Variants in CLDN8 observed in about 807,000 individuals in gnomAD.
The protein encoded by CLDN8 is claudin-8.
Under a neutral mutation model 2.2 loss-of-function variants are expected in CLDN8, and 2 were observed. That is an observed-to-expected ratio of 0.90 (90% CI 0.37 to 2.82). The LOEUF (loss-of-function observed/expected upper bound fraction) is 2.82. CLDN8 is among the 30% of genes most tolerant of loss of function. The pLI is 0.10. For synonymous variants in CLDN8, 107 were observed against 104.8 expected (o/e 1.02, Z -0.13); for missense variants, 314 against 280.5 (o/e 1.12, Z -0.85).
rs1978908721 is a variant in CLDN8 at position 30,215,137 on chromosome 21, T to C, written c.*111A>G. 1.2e-6 allele frequency: 1 copy of C among 822,116 alleles called. No individual in the cohort carries two copies. Among genetic ancestry groups the C allele is most frequent in the African/African-American group, 1.7e-5 (1 of 57,936 alleles). 50.9% of individuals were successfully genotyped at this position (822,116 alleles called of 1,614,324 possible). On this transcript the variant is annotated 3_prime_UTR_variant, in exon 1 of 1. Coordinates refer to ENST00000399899, the MANE Select transcript of CLDN8 (RefSeq NM_199328.3). ...GATGCACAGTTCCTGTAATTAAGAT[T>C]AGGCAGTTAAGAACAGTAAATCAAA...
In CLDN8 at chr21:30,215,684, C is replaced by T; in HGVS notation, c.242G>A (p.Arg81Lys). The T allele has an allele frequency of 6.2e-7, 1 of 1,614,176 alleles. No homozygotes were observed. Among genetic ancestry groups the T allele is most frequent in the Admixed American group, 1.7e-5 (1 of 60,028 alleles). The change falls in exon 1 of 1, where the codon AGA becomes AAA. Residue 81 changes from arginine (R) to lysine (K), a missense_variant. By Grantham distance (26) the Arg-to-Lys change is conservative. Transcript: ENST00000399899. Reference sequence around the variant, plus strand: ...CACGGAAGCAGCACACATCAGTCCTCTGGCTGCCTGTAGGTCCGGAGAAAG... The same window carrying T: ...CACGGAAGCAGCACACATCAGTCCTTTGGCTGCCTGTAGGTCCGGAGAAAG... The part of the protein sequence containing the change: ...LALSPDLQAA[R>K]GLMCAASVMS...
rs1978962824 is a variant in CLDN8 at position 30,215,808 on chromosome 21, T to C, written c.118A>G (p.Ile40Val). ...TCCCAGAAGTTTTCAAAAACCACGATGTTGTTTTCAATGAAGGCCGACACT... is the reference window on the plus strand; with the variant it reads ...TCCCAGAAGTTTTCAAAAACCACGACGTTGTTTTCAATGAAGGCCGACACT... The part of the protein sequence containing the change: ...WRVSAFIENN[I>V]VVFENFWEGL... The change falls in exon 1 of 1, where the codon ATC becomes GTC. Residue 40 changes from isoleucine (I) to valine (V), a missense_variant. Physicochemically the swap from Ile to Val is conservative, Grantham distance 29. Transcript: ENST00000399899. 1.2e-6 allele frequency: 2 copies of C among 1,613,770 alleles called. No homozygotes were observed. Among genetic ancestry groups the C allele is most frequent in the Admixed American group, 1.7e-5 (1 of 59,988 alleles).
rs531956336 is a variant in CLDN8 at position 30,215,832 on chromosome 21, C to G, written c.94G>C (p.Val32Leu). Residue 32 changes from valine (V) to leucine (L), a missense_variant, in exon 1 of 1, where the codon GTG (valine) becomes CTG (leucine). Coordinates refer to ENST00000399899, the MANE Select transcript of CLDN8 (RefSeq NM_199328.3). ...VAVTVMPQWR[V>L]SAFIENNIVV... The stretch of plus-strand genomic sequence containing the variant: ...ATGTTGTTTTCAATGAAGGCCGACA[C>G]TCTCCACTGAGGCATGACAGTGACA... The G allele has an allele frequency of 2.5e-6, 4 of 1,614,092 alleles. No individual in the cohort carries two copies. The South Asian group carries it at 4.4e-5, about 18-fold the overall frequency.
Position 30,215,974 on chromosome 21 carries a change from C to G in CLDN8, c.-49G>C, listed in dbSNP as rs756496110. The G allele has an allele frequency of 4.7e-6, 7 of 1,497,084 alleles. No homozygotes were observed. Among genetic ancestry groups the G allele is most frequent in the Middle Eastern group, 1.8e-4 (1 of 5,614 alleles). 92.7% of individuals were successfully genotyped at this position (1,497,084 alleles called of 1,614,324 possible). A position where few individuals can be genotyped will look rare whatever the true frequency, so the allele number is the denominator to read the frequency against. ...CAGCTGGACTCCGGAACTGCTACTTCTGCTTTGAAGCAGGGTTCTCTGTGC... is the reference window on the plus strand; with the variant it reads ...CAGCTGGACTCCGGAACTGCTACTTGTGCTTTGAAGCAGGGTTCTCTGTGC... On this transcript the variant is annotated 5_prime_UTR_variant, in exon 1 of 1. Coordinates refer to ENST00000399899, the MANE Select transcript of CLDN8 (RefSeq NM_199328.3).
rs778908212 is a variant in CLDN8, at chr21:30,215,901, C to G, written c.25G>C (p.Ala9Pro). Residue 9 changes from alanine to proline, a missense_variant, in exon 1 of 1, where the codon GCT becomes CCT. Transcript: ENST00000399899. MATHALEI[A>P]GLFLGGVGMV... ...CCAACACCACCAAGAAACAGCCCAG[C>G]GATTTCTAAGGCATGGGTTGCCATT... The G allele has an allele frequency of 3.7e-6, 6 of 1,608,494 alleles. No individual in the cohort carries two copies. In the African/African-American group the frequency reaches 5.4e-5, roughly 14 times the overall value.
Position 30,215,190 on chromosome 21 carries a change from T to C in CLDN8, c.*58A>G. 1 of 1,446,540 alleles carries C rather than the reference T, an allele frequency of 6.9e-7. No homozygotes were observed. Among genetic ancestry groups the C allele is most frequent in the South Asian group, 1.2e-5 (1 of 81,980 alleles). The allele number at this position is 1,446,540 out of a possible 1,614,324, so 89.6% of individuals were successfully genotyped here. On this transcript the variant is annotated 3_prime_UTR_variant, in exon 1 of 1. Coordinates refer to ENST00000399899, the MANE Select transcript of CLDN8 (RefSeq NM_199328.3). Reference sequence around the variant, plus strand: ...TTCTTTGGGGTCCATTTTGAGAAAGTAATATAGATTTTTGTCATTTGCATG... The same window carrying C: ...TTCTTTGGGGTCCATTTTGAGAAAGCAATATAGATTTTTGTCATTTGCATG...
chr21:30,215,250 A>T lies in CLDN8; in HGVS notation c.676T>A (p.Ter226LysextTer6). The T allele has an allele frequency of 1.9e-6, 3 of 1,613,594 alleles. No homozygotes were observed. The highest frequency in any genetic ancestry group is 2.5e-6 in the Non-Finnish European group (3 of 1,179,524). The change falls in exon 1 of 1, where the codon TAG becomes AAG. Residue 226 changes from the stop codon to lysine, a stop_lost. Transcript: ENST00000399899. ...TAAAGTTAAAAAAACATACACAACT[A>T]CACATACTGACTTCTGGAGTAGACG... is the stretch of plus-strand genomic sequence containing the variant. ...PSVYSRSQYV[*>K]
Position 30,215,060 on chromosome 21 carries a change from T to G in CLDN8, c.*188A>C. The G allele has an allele frequency of 3.5e-6, 2 of 572,902 alleles. No individual in the cohort carries two copies. The highest frequency in any genetic ancestry group is 3.1e-6 in the Non-Finnish European group (1 of 325,340). The allele number at this position is 572,902 out of a possible 1,614,324, so 35.5% of individuals were successfully genotyped here. ...TATACTTTCTAGAACAATCAAAGCA[T>G]TGGGTTTAATATCTCATTCTGCTGA... is the stretch of plus-strand genomic sequence containing the variant. On this transcript the variant is annotated 3_prime_UTR_variant, in exon 1 of 1. Transcript: ENST00000399899.
Position 30,215,595 on chromosome 21 carries a change from T to G in CLDN8, c.331A>C (p.Asn111His), listed in dbSNP as rs1339229115. 9.3e-6 allele frequency: 15 copies of G among 1,614,090 alleles called. No homozygotes were observed. The South Asian group carries it at 1.6e-4, about 18-fold the overall frequency. The change falls in exon 1 of 1, where the codon AAT becomes CAT. Residue 111 changes from asparagine to histidine, a missense_variant. By Grantham distance (68) the Asn-to-His change is moderately conservative. Transcript: ENST00000399899. ...AGAATGTGAGCCTTCACCTTCTCAT[T>G]GTCCCCCGTGCACCTGGTGCATTTC... ...GMKCTRCTGD[N>H]EKVKAHILLT...
rs538422021 is a variant in CLDN8, at chr21:30,215,306, T to G, written c.620A>C (p.Lys207Thr). 6.2e-7 allele frequency: 1 copy of G among 1,614,190 alleles called. No individual in the cohort carries two copies. Among genetic ancestry groups the G allele is most frequent in the Admixed American group, 1.7e-5 (1 of 60,030 alleles). The change falls in exon 1 of 1, where the codon AAA becomes ACA. Residue 207 changes from lysine to threonine, a missense_variant. Transcript: ENST00000399899. ...TGACTTCTTTCCGGTGTGATAACTT[T>G]TTTGGGTTGTGCGATGGGAAGGTAT... is the stretch of plus-strand genomic sequence containing the variant. ...YSIPSHRTTQ[K>T]SYHTGKKSPS...
chr21:30,215,599 C>G lies in CLDN8; in HGVS notation c.327G>C (p.Gly109=), dbSNP rs1433691791. The G allele has an allele frequency of 6.2e-7, 1 of 1,613,986 alleles. No individual in the cohort carries two copies. Among genetic ancestry groups the G allele is most frequent in the South Asian group, 1.1e-5 (1 of 91,064 alleles). Reference sequence around the variant, plus strand: ...TGTGAGCCTTCACCTTCTCATTGTCCCCCGTGCACCTGGTGCATTTCATGC... The same window carrying G: ...TGTGAGCCTTCACCTTCTCATTGTCGCCCGTGCACCTGGTGCATTTCATGC... ...ILGMKCTRCT[G]DNEKVKAHIL... is the part of the protein sequence containing the mutation. The change falls in exon 1 of 1, where the codon GGG becomes GGC. Residue 109 remains glycine, a synonymous_variant. Coordinates refer to ENST00000399899, the MANE Select transcript of CLDN8 (RefSeq NM_199328.3).
Position 30,215,263 on chromosome 21 carries a change from T to A in CLDN8, c.663A>T (p.Arg221Ser). Residue 221 changes from arginine to serine, a missense_variant, in exon 1 of 1, where the codon AGA becomes AGT. Coordinates refer to ENST00000399899, the MANE Select transcript of CLDN8 (RefSeq NM_199328.3). ...ACATACACAACTACACATACTGACTTCTGGAGTAGACGCTCGGTGACTTCT... is the reference window on the plus strand; with the variant it reads ...ACATACACAACTACACATACTGACTACTGGAGTAGACGCTCGGTGACTTCT... ...TGKKSPSVYS[R>S]SQYV The A allele has an allele frequency of 6.2e-7, 1 of 1,614,114 alleles. No individual in the cohort carries two copies. The highest frequency in any genetic ancestry group is 8.5e-7 in the Non-Finnish European group (1 of 1,179,974).
In CLDN8 at chr21:30,215,613, T is replaced by A; in HGVS notation, c.313A>T (p.Thr105Ser). 1.2e-6 allele frequency: 2 copies of A among 1,614,068 alleles called. No homozygotes were observed. The highest frequency in any genetic ancestry group is 1.7e-6 in the Non-Finnish European group (2 of 1,180,006). ...FMMAILGMKC[T>S]RCTGDNEKVK... ...TTCTCATTGTCCCCCGTGCACCTGG[T>A]GCATTTCATGCCAAGGATGGCCATC... is the stretch of plus-strand genomic sequence containing the variant. The change falls in exon 1 of 1, where the codon ACC (threonine) becomes TCC (serine). Residue 105 changes from threonine to serine, a missense_variant. Physicochemically the swap from Thr to Ser is moderately conservative, Grantham distance 58 (BLOSUM62 1). Transcript: ENST00000399899.
Position 30,215,084 on chromosome 21 carries a change from G to T in CLDN8, c.*164C>A. 1 of 605,654 alleles carries T rather than the reference G, an allele frequency of 1.7e-6. No homozygotes were observed. 37.5% of individuals were successfully genotyped at this position (605,654 alleles called of 1,614,324 possible). Reference sequence around the variant, plus strand: ...ATTGGGTTTAATATCTCATTCTGCTGAAATAGCTTATAGAATCATAAATAG... The same window carrying T: ...ATTGGGTTTAATATCTCATTCTGCTTAAATAGCTTATAGAATCATAAATAG... On this transcript the variant is annotated 3_prime_UTR_variant, in exon 1 of 1. Transcript: ENST00000399899.
In CLDN8 at chr21:30,214,586, T is replaced by C. The variant is rs1334887092; in HGVS notation, c.*662A>G. The C allele has an allele frequency of 2.6e-5, 4 of 152,042 alleles. No homozygotes were observed. The highest frequency in any genetic ancestry group is 1.9e-4 in the East Asian group (1 of 5,154). The allele number at this position is 152,042 out of a possible 1,614,324, so 9.4% of individuals were successfully genotyped here. A position where few individuals can be genotyped will look rare whatever the true frequency, so the allele number is the denominator to read the frequency against. Reference sequence around the variant, plus strand: ...CTGCTTTTTAAAAATGTTAATTTAATACACAAGAAAAAAAAAGCCTCTGGG... The same window carrying C: ...CTGCTTTTTAAAAATGTTAATTTAACACACAAGAAAAAAAAAGCCTCTGGG... On this transcript the variant is annotated 3_prime_UTR_variant, in exon 1 of 1. Coordinates refer to ENST00000399899, the MANE Select transcript of CLDN8 (RefSeq NM_199328.3).
In CLDN8 at chr21:30,215,811, T is replaced by G; in HGVS notation, c.115A>C (p.Asn39His). 6.2e-7 allele frequency: 1 copy of G among 1,614,052 alleles called. No homozygotes were observed. The highest frequency in any genetic ancestry group is 8.5e-7 in the Non-Finnish European group (1 of 1,179,982). The change falls in exon 1 of 1, where the codon AAC becomes CAC. Residue 39 changes from asparagine (N) to histidine (H), a missense_variant. Physicochemically the swap from Asn to His is moderately conservative, Grantham distance 68. Transcript: ENST00000399899. ...CAGAAGTTTTCAAAAACCACGATGT[T>G]GTTTTCAATGAAGGCCGACACTCTC... Reference protein sequence around the residue: ...QWRVSAFIENNIVVFENFWEG... With the variant: ...QWRVSAFIENHIVVFENFWEG...
rs538200782 is a variant in CLDN8, at chr21:30,214,720, T to C, written c.*528A>G. Reference sequence around the variant, plus strand: ...CTGATTAAAGCCTTCATTTTAATCTTCATTATAAATGGAGGACATTAATCC... The same window carrying C: ...CTGATTAAAGCCTTCATTTTAATCTCCATTATAAATGGAGGACATTAATCC... On this transcript the variant is annotated 3_prime_UTR_variant, in exon 1 of 1. Transcript: ENST00000399899. The C allele has an allele frequency of 1.3e-5, 2 of 153,038 alleles. No homozygotes were observed. Among genetic ancestry groups the C allele is most frequent in the East Asian group, 3.9e-4 (2 of 5,188 alleles). The allele number at this position is 153,038 out of a possible 1,614,324, so 9.5% of individuals were successfully genotyped here.
Sources: allele counts gnomAD v4.1 joint callset, GRCh38; gene constraint gnomAD v4.1.1; transcripts MANE v1.5; gene names NCBI Gene and HGNC (gene_info 2026-07-23, HGNC 2026-07-21).